The following ARHGEF3 variants were observed in gnomAD, a reference collection of about 807,000 sequenced individuals.
ARHGEF3 encodes 59.8 kDA protein.
In ARHGEF3, 28 loss-of-function variants were observed where a neutral mutation model predicts 63.2. The observed-to-expected ratio is 0.44, with a 90% CI of 0.33 to 0.61. The LOEUF is 0.61. ARHGEF3 is among the 20% of genes least tolerant of loss of function. ARHGEF3 has a pLI of 0.03. For synonymous variants in ARHGEF3, 266 were observed against 254.2 expected (o/e 1.05, Z -0.44); for missense variants, 533 against 659.3 (o/e 0.81, Z 2.10).
At chr3:56,878,857 G>A (rs559150564) in intron 4 of ARHGEF3, among the ~76,000 whole-genome samples, 1 of 152,360 alleles carries the variant, frequency 6.6e-6, no homozygotes, top group East Asian at 1.9e-4. Context: ...CGGCAGGCAA[G>A]CAAAGTTTCA....
intron 1 of ARHGEF3, among the ~76,000 whole-genome samples, chr3:57,057,461 T>G (rs943971018): frequency 3.3e-5 from 5 of 152,128 alleles, no homozygotes; most frequent in African/African-American, 1.2e-4. Flanking sequence ...AACTATAATT[T>G]TACTTGCATT....
chr3:57,071,192 G>A (rs1705881690), intron 1 of ARHGEF3, among the ~76,000 whole-genome samples: 1 of 152,086 alleles, frequency 6.6e-6, no homozygotes, highest in African/African-American at 2.4e-5. Context: ...TGACAAGAGT[G>A]TCAAAACAAT....
At chr3:56,914,381 A>T (rs1272517619) in intron 3 of ARHGEF3, among the ~76,000 whole-genome samples, 5 of 152,254 alleles carry the variant, frequency 3.3e-5, no homozygotes, top group Admixed American at 3.3e-4. Context: ...CCATCCAAGG[A>T]TGAATGGATA....
chr3:56,990,086 C>T (rs1161112896), intron 2 of ARHGEF3, among the ~76,000 whole-genome samples: 1 of 152,234 alleles, frequency 6.6e-6, no homozygotes, highest in East Asian at 1.9e-4. Context: ...AGGCTCTGCC[C>T]CATCTACCAT....
intron 3 of ARHGEF3, among the ~76,000 whole-genome samples, chr3:56,948,548 C>G (rs879879596): frequency 3.3e-5 from 5 of 152,114 alleles, no homozygotes; most frequent in African/African-American, 1.2e-4. Flanking sequence ...ATAAATTCCT[C>G]GACACATATT....
intron 2 of ARHGEF3, among the ~76,000 whole-genome samples, chr3:57,026,387 C>T (rs972965078): frequency 2.6e-5 from 4 of 152,082 alleles, no homozygotes; most frequent in African/African-American, 9.7e-5. Flanking sequence ...GATGACAGAG[C>T]GAGACTCTGT....
intron 1 of ARHGEF3, among the ~76,000 whole-genome samples, chr3:57,045,750 T>C (rs570226284): frequency 1.3e-5 from 2 of 152,026 alleles, no homozygotes; most frequent in Admixed American, 1.3e-4. Context: ...CAAACAGAGG[T>C]CCCAAAGGGA....
chr3:56,732,466 T>C, intron 8 of ARHGEF3, 42 bp from the exon 9 acceptor site: 1 of 1,604,208 alleles, frequency 6.2e-7, no homozygotes, highest in East Asian at 2.2e-5. Flanking sequence ...AGCAATAATG[T>C]AATGAGTGGT....
At chr3:56,999,997 C>T (rs567898556) in intron 2 of ARHGEF3, among the ~76,000 whole-genome samples, 3 of 152,072 alleles carry the variant, frequency 2.0e-5, no homozygotes, top group African/African-American at 7.2e-5. Context: ...AGCTGTGTGG[C>T]CTTGGGCAAA....
chr3:56,956,717 T>G (rs1700058706), intron 3 of ARHGEF3, among the ~76,000 whole-genome samples: 1 of 152,152 alleles, frequency 6.6e-6, no homozygotes, highest in Non-Finnish European at 1.5e-5. Flanking sequence ...CCCACAAGCC[T>G]TGGCTAATGA....
chr3:56,965,741 C>T (rs1401247410), intron 2 of ARHGEF3, among the ~76,000 whole-genome samples: 6 of 151,188 alleles, frequency 4.0e-5, no homozygotes, highest in Non-Finnish European at 7.4e-5. Flanking sequence ...CTCTGCCTTC[C>T]GGGTTCACAC....
rs536502808 is a variant in ARHGEF3, at chr3:56,728,920, C to A, written c.*350G>T. On this transcript the variant is annotated 3_prime_UTR_variant, in exon 10 of 10. Coordinates refer to ENST00000296315, the MANE Select transcript of ARHGEF3 (RefSeq NM_019555.3). ...GAGCTGGGAAAGTGGTACAGAAGCA[C>A]AAGAGGAAGGACTCTTCAAACAATC... 2.0e-5 allele frequency: 4 copies of A among 204,656 alleles called. No individual in the cohort carries two copies. The highest frequency in any genetic ancestry group is 9.3e-5 in the African/African-American group (4 of 43,224). The allele number at this position is 204,656 out of a possible 1,614,324, so 12.7% of individuals were successfully genotyped here.
At chr3:56,739,009 C>T (rs1029281445) in intron 7 of ARHGEF3, among the ~76,000 whole-genome samples, 25 of 152,042 alleles carry the variant, frequency 1.6e-4, no homozygotes, top group Non-Finnish European at 3.1e-4. Context: ...GTGGGAAAAT[C>T]GCTTGAACCT....
intron 2 of ARHGEF3, among the ~76,000 whole-genome samples, chr3:56,994,076 A>AAAAAAAAAAAAAAAAAAC (rs1457718926): frequency 6.7e-6 from 1 of 148,384 alleles, no homozygotes; most frequent in Non-Finnish European, 1.5e-5. Flanking sequence ...AAAAAAAAAA[A>AAAAAAAAAAAAAAAAAAC]AAAAAAAAAG....
rs117249450 is a variant in ARHGEF3, at chr3:56,972,304, C to T, written c.63-13415G>A. 5.1e-4 allele frequency among the ~76,000 whole-genome samples: 77 copies of T among 152,030 alleles called. No individual in the cohort carries two copies. The East Asian group carries it at 0.013, about 26-fold the overall frequency. ...ATGGATATGATAAGACTTAGACCTCCTAGGGTTGCTTTGAGAAGTAAATAA... is the reference window on the plus strand; with the variant it reads ...ATGGATATGATAAGACTTAGACCTCTTAGGGTTGCTTTGAGAAGTAAATAA... On this transcript the variant is annotated intron_variant, in intron 2 of 12. Transcript: ENST00000338458.
chr3:56,839,912 C>T (rs2039253994), intron 4 of ARHGEF3, among the ~76,000 whole-genome samples: 1 of 152,158 alleles, frequency 6.6e-6, no homozygotes, highest in African/African-American at 2.4e-5. Context: ...ATCCCGAAGG[C>T]TCCTGGTGCT....
chr3:56,976,895 T>C lies in ARHGEF3; in HGVS notation c.63-18006A>G, dbSNP rs995513376. ...TGCACCAAACAGCAAGCCACCATGCTGAATCCTGGCAGACCTCAATGACGG... is the reference window on the plus strand; with the variant it reads ...TGCACCAAACAGCAAGCCACCATGCCGAATCCTGGCAGACCTCAATGACGG... On this transcript the variant is annotated intron_variant, in intron 2 of 12. Transcript: ENST00000338458. Among the ~76,000 whole-genome samples the C allele has an allele frequency of 4.6e-5, 7 of 152,308 alleles. No homozygotes were observed. The South Asian group carries it at 1.2e-3, about 27-fold the overall frequency.
In ARHGEF3 at chr3:56,729,094, A is replaced by G. The variant is rs2032917948; in HGVS notation, c.*176T>C. On this transcript the variant is annotated 3_prime_UTR_variant, in exon 10 of 10. Coordinates refer to ENST00000296315, the MANE Select transcript of ARHGEF3 (RefSeq NM_019555.3). ...ATAGTTGCCACAGATTCCAGCTTAC[A>G]CAGACAGATTGGCAGTTACAGTACT... 2 of 605,972 alleles carry G rather than the reference A, an allele frequency of 3.3e-6. No homozygotes were observed. The highest frequency in any genetic ancestry group is 5.7e-6 in the Non-Finnish European group (2 of 349,660). 37.5% of individuals were successfully genotyped at this position (605,972 alleles called of 1,614,324 possible). A position where few individuals can be genotyped will look rare whatever the true frequency, so the allele number is the denominator to read the frequency against.
intron 1 of ARHGEF3, among the ~76,000 whole-genome samples, chr3:57,040,642 T>C (rs1453334496): frequency 1.3e-5 from 2 of 151,922 alleles, no homozygotes; most frequent in African/African-American, 2.4e-5. Context: ...TATGATCCAT[T>C]TGTGAAAACC....
Sources: gnomAD v4.1 joint callset for allele counts (sites outside exome capture counted in the v4.1 genomes callset) on GRCh38, gnomAD v4.1.1 for gene constraint, MANE v1.5 for transcripts, NCBI Gene and HGNC (gene_info 2026-07-23, HGNC 2026-07-21) for gene names.